Variants in ZC3H12B observed in about 807,000 individuals in gnomAD.
ZC3H12B encodes the protein probable ribonuclease ZC3H12B.
In ZC3H12B, 7 loss-of-function variants were observed where a neutral mutation model predicts 43.9. That is an observed-to-expected ratio of 0.16 (90% CI 0.09 to 0.30). The LOEUF (loss-of-function observed/expected upper bound fraction) is 0.30. Among genes scored for constraint, ZC3H12B ranks in the 10% least tolerant of loss-of-function variants. The pLI is 1.00. For missense variants in ZC3H12B, 475 were observed against 670.2 expected (o/e 0.71, Z 3.22); for synonymous variants, 222 against 241.7 (o/e 0.92, Z 0.76).
the ZC3H12B span, among the ~76,000 whole-genome samples, chrX:65,284,376 C>A: frequency 9.0e-6 from 1 of 110,867 alleles, no homozygotes; most frequent in Admixed American, 9.6e-5. Flanking sequence ...ATTTAAAAGA[C>A]TGGTTTTAAA....
chrX:65,143,451 C>G, the ZC3H12B span, among the ~76,000 whole-genome samples: 1 of 110,658 alleles, frequency 9.0e-6, no homozygotes, highest in African/African-American at 3.3e-5. Context: ...TTGAGATGAT[C>G]AAGTGATTTT....
At chrX:65,300,959 C>T in the ZC3H12B span, among the ~76,000 whole-genome samples, 1 of 107,971 alleles carries the variant, frequency 9.3e-6, no homozygotes, top group Non-Finnish European at 1.9e-5. Context: ...TATCCAGAAT[C>T]TACAAGAAAC....
the ZC3H12B span, among the ~76,000 whole-genome samples, chrX:65,076,871 A>G: frequency 9.0e-6 from 1 of 111,426 alleles, no homozygotes; most frequent in Admixed American, 9.5e-5. Context: ...TATCAGTTTT[A>G]ACTTTCTTAT....
intron 3 of ZC3H12B, among the ~76,000 whole-genome samples, chrX:65,406,566 A>AGGGCTGGG (rs1569396762): frequency 1.1e-5 from 1 of 88,225 alleles, no homozygotes; most frequent in African/African-American, 4.4e-5. Context: ...TCGGGGCTGA[A>AGGGCTGGG]CGGGGCTGGG....
At chrX:65,432,043 T>C (rs922711250) in intron 3 of ZC3H12B, among the ~76,000 whole-genome samples, 1 of 111,799 alleles carries the variant, frequency 8.9e-6, no homozygotes, top group African/African-American at 3.3e-5. Flanking sequence ...TCACTCCCCA[T>C]GAGGACACAG....
intron 2 of ZC3H12B, among the ~76,000 whole-genome samples, chrX:65,379,581 C>A (rs2066405564): frequency 8.9e-6 from 1 of 112,526 alleles, no homozygotes; most frequent in African/African-American, 3.2e-5. Context: ...CAGTTCCTCA[C>A]CAGCAACGGA....
At chrX:65,372,278 A>T (rs1324288775) in intron 2 of ZC3H12B, among the ~76,000 whole-genome samples, 2 of 111,977 alleles carry the variant, frequency 1.8e-5, no homozygotes, top group Non-Finnish European at 3.8e-5. Context: ...GACTATATGT[A>T]GAAGCCTAGT....
the ZC3H12B span, among the ~76,000 whole-genome samples, chrX:65,065,101 C>T: frequency 9.0e-6 from 1 of 110,881 alleles, no homozygotes; most frequent in Non-Finnish European, 1.9e-5. Context: ...ATCCAGTTTG[C>T]CAGTCTGTAT....
At position 65,374,357 on chromosome X, in the gene ZC3H12B, C is replaced by T. The variant is rs1429651179; in HGVS notation, n.295+5359C>T. ...ACCTGGGTGACAGGATCAATCATAC[C>T]GCAAGTCTCAGCATCATGTAACATA... On this transcript the variant is annotated intron_variant and non_coding_transcript_variant, in intron 2 of 5. Transcript: ENST00000617377. 5.1e-5 allele frequency among the ~76,000 whole-genome samples: 5 copies of T among 97,819 alleles called. No homozygotes were observed. The South Asian group carries it at 1.8e-3, about 36-fold the overall frequency. The allele number at this position is 97,819 out of a possible 115,157, so 84.9% of individuals were successfully genotyped here.
At chrX:65,217,148 G>T in the ZC3H12B span, among the ~76,000 whole-genome samples, 2 of 111,914 alleles carry the variant, frequency 1.8e-5, no homozygotes, top group African/African-American at 3.2e-5. Flanking sequence ...GCAAAACTTT[G>T]TCTGGGAACC....
chrX:65,074,344 G>C, the ZC3H12B span, among the ~76,000 whole-genome samples: 3 of 110,378 alleles, frequency 2.7e-5, no homozygotes, highest in Admixed American at 9.6e-5. Context: ...TAAATCTACT[G>C]ATAGTTTTAT....
the ZC3H12B span, among the ~76,000 whole-genome samples, chrX:65,100,391 C>G: frequency 1.9e-5 from 2 of 107,324 alleles, no homozygotes; most frequent in Non-Finnish European, 3.8e-5. Context: ...GAAGACACCA[C>G]TAAGATACTC....
the ZC3H12B span, among the ~76,000 whole-genome samples, chrX:65,205,040 T>G: frequency 1.8e-5 from 2 of 112,208 alleles, no homozygotes; most frequent in South Asian, 7.2e-4. Flanking sequence ...CTAGCTTAAT[T>G]GTAGAATAAC....
the ZC3H12B span, among the ~76,000 whole-genome samples, chrX:65,107,406 T>G: frequency 9.0e-6 from 1 of 111,597 alleles, no homozygotes; most frequent in Non-Finnish European, 1.9e-5. Context: ...AGTCATCAGG[T>G]GGGCACCATT....
At chrX:65,188,802 GT>G in the ZC3H12B span, among the ~76,000 whole-genome samples, 19 of 100,869 alleles carry the variant, frequency 1.9e-4, no homozygotes, top group African/African-American at 6.5e-4. Context: ...AAGTCTTTAA[GT>G]TTTTTTTTTT....
the ZC3H12B span, among the ~76,000 whole-genome samples, chrX:65,164,478 G>C: frequency 9.0e-6 from 1 of 111,649 alleles, no homozygotes; most frequent in African/African-American, 3.3e-5. Flanking sequence ...GACTCCTGAA[G>C]CATGATTCTA....
chrX:65,328,254 TA>T, the ZC3H12B span: 1 of 254,957 alleles, frequency 3.9e-6, no homozygotes, highest in Non-Finnish European at 7.8e-6. Context: ...CTCAAATTTG[TA>T]GGGTAGGTGG....
At chrX:65,356,238 T>C in the ZC3H12B span, among the ~76,000 whole-genome samples, 2 of 111,576 alleles carry the variant, frequency 1.8e-5, no homozygotes, top group Non-Finnish European at 3.8e-5. Flanking sequence ...GAAGGTTGTT[T>C]TGTGGGCATA....
the ZC3H12B span, chrX:65,272,746 G>A: frequency 1.8e-5 from 2 of 111,940 alleles, no homozygotes; most frequent in Non-Finnish European, 3.8e-5. Flanking sequence ...GAGAGGTATA[G>A]AATCCTACTG....
Sources: gnomAD v4.1 joint callset for allele counts (sites outside exome capture counted in the v4.1 genomes callset) on GRCh38, gnomAD v4.1.1 for gene constraint, MANE v1.5 for transcripts, NCBI Gene and HGNC (gene_info 2026-07-23, HGNC 2026-07-21) for gene names.